RNF213: variants seen among roughly 807,000 people sequenced by gnomAD.
RNF213 encodes E3 ubiquitin-protein ligase RNF213.
A neutral mutation model predicts 514.4 loss-of-function variants in RNF213; 341 were observed. That is an observed-to-expected ratio of 0.66 (90% CI 0.61 to 0.73). The LOEUF (loss-of-function observed/expected upper bound fraction) is 0.73, where lower values mean the gene tolerates loss of function less well. RNF213 is among the 30% of genes least tolerant of loss of function. The pLI, the probability that RNF213 is intolerant of heterozygous loss-of-function variation, is 0.00. For synonymous variants in RNF213, 2,655 were observed against 2,658.2 expected (o/e 1.00, Z 0.04); for missense variants, 5,767 against 6,615.6 (o/e 0.87, Z 4.45).
chr17:80,354,646 CCT>C (rs2078663629), intron 36 of RNF213, 70 bp downstream of exon 36: 1 of 1,574,788 alleles, frequency 6.4e-7, no homozygotes, highest in South Asian at 1.1e-5. Flanking sequence ...CTGCAGGGAT[CCT>C]CTCTCCATCC....
intron 57 of RNF213, 142 bp downstream of exon 57, chr17:80,381,869 G>C (rs1327048498): frequency 1.2e-6 from 1 of 841,608 alleles, no homozygotes; most frequent in African/African-American, 1.7e-5. Context: ...AGAACACACA[G>C]AGAGAAAACC....
chr17:80,336,482 T>C lies in RNF213; in HGVS notation c.4527+104T>C, dbSNP rs1375545872. ...ATGGTGGCACACCTGTGTGGTAGGTTTGTACACAGCCGTTTTCAATGATAT... is the reference window on the plus strand; with the variant it reads ...ATGGTGGCACACCTGTGTGGTAGGTCTGTACACAGCCGTTTTCAATGATAT... On this transcript the variant is annotated intron_variant, in intron 23 of 67. Transcript: ENST00000582970. The C allele has an allele frequency of 2.8e-5, 27 of 979,182 alleles. No homozygotes were observed. The Admixed American group carries it at 5.4e-4, about 19-fold the overall frequency. The allele number at this position is 979,182 out of a possible 1,614,324, so 60.7% of individuals were successfully genotyped here.
chr17:80,310,555 A>G (rs558505398), intron 14 of RNF213, among the ~76,000 whole-genome samples: 1 of 122,828 alleles, frequency 8.1e-6, no homozygotes, highest in Non-Finnish European at 1.7e-5. Flanking sequence ...ACCCAGCACA[A>G]TTTTTTTTTT....
At chr17:80,321,286 A>G (rs914262052) in intron 17 of RNF213, 7 of 152,168 alleles carry the variant, frequency 4.6e-5, no homozygotes, top group Admixed American at 1.3e-4. Context: ...TGAATTTTTC[A>G]CTTGTGGCAT....
chr17:80,268,354 GAAAAAAA>G lies in RNF213; in HGVS notation c.97+4595_97+4601del, dbSNP rs898719348. On this transcript the variant is annotated intron_variant, in intron 2 of 67. Coordinates refer to ENST00000582970, the MANE Select transcript of RNF213 (RefSeq NM_001256071.3). ...GGGTCGACAGTGAGACCCTGTCTCA[GAAAAAAA>G]AAAAAAAAAAAAAAAAAAGGCAGTA... Among the ~76,000 whole-genome samples the G allele has an allele frequency of 1.8e-4, 13 of 73,198 alleles. No homozygotes were observed. In the Admixed American group the frequency reaches 1.9e-3, roughly 11 times the overall value. 48.0% of individuals were successfully genotyped at this position (73,198 alleles called of 152,430 possible).
At position 80,344,869 on chromosome 17, in the gene RNF213, A is replaced by G. The variant is rs776987048; in HGVS notation, c.6534A>G (p.Gln2178=). ...ATTTAAGACGATTCAATCAAAACCA[A>G]GACCTAGACACGTTTCAGTATCAAG... ...YQYLRRFNQN[Q]DLDTFQYQEG... is the part of the protein sequence containing the mutation. The change falls in exon 29 of 68, where the codon CAA becomes CAG. Residue 2178 remains glutamine (Q), a synonymous_variant. Transcript: ENST00000582970. The G allele has an allele frequency of 1.2e-6, 2 of 1,614,202 alleles. No homozygotes were observed. The highest frequency in any genetic ancestry group is 4.5e-5 in the East Asian group (2 of 44,884).
chr17:80,363,134 G>T lies in RNF213; in HGVS notation c.11388G>T (p.Arg3796Ser). ...AGATGGCTCTGTGGTCCTGCACTAG[G>T]AAACTGAAAGCGGCGTCAGAAGCGC... ...FLQMALWSCT[R>S]KLKAASEAPE... The change falls in exon 40 of 68, where the codon AGG (arginine) becomes AGT (serine). Residue 3796 changes from arginine to serine, a missense_variant. Around this residue, in one of 13 missense-constraint regions of RNF213, gnomAD observed 355 missense variants for 358.0 expected, o/e 0.99. Coordinates refer to ENST00000582970, the MANE Select transcript of RNF213 (RefSeq NM_001256071.3). The T allele has an allele frequency of 6.2e-7, 1 of 1,614,214 alleles. No individual in the cohort carries two copies. Among genetic ancestry groups the T allele is most frequent in the Admixed American group, 1.7e-5 (1 of 60,034 alleles).
chr17:80,376,680 C>A lies in RNF213; in HGVS notation c.13428+137C>A, dbSNP rs2079774372. The A allele has an allele frequency of 3.8e-6, 5 of 1,319,038 alleles. No homozygotes were observed. In the South Asian group the frequency reaches 6.3e-5, roughly 17 times the overall value. The allele number at this position is 1,319,038 out of a possible 1,614,324, so 81.7% of individuals were successfully genotyped here. A position where few individuals can be genotyped will look rare whatever the true frequency, so the allele number is the denominator to read the frequency against. On this transcript the variant is annotated intron_variant, in intron 52 of 67. Transcript: ENST00000582970. ...TTCTCTGCCTTTGTGTCACCTGATT[C>A]TTGAGCACACAAGATAGTGACAGAC...
chr17:80,340,245 C>T lies in RNF213; in HGVS notation c.5878C>T (p.Gln1960Ter). 1 of 1,614,180 alleles carries T rather than the reference C, an allele frequency of 6.2e-7. No individual in the cohort carries two copies. The highest frequency in any genetic ancestry group is 8.5e-7 in the Non-Finnish European group (1 of 1,180,040). ...CCCCCAGGCACCCCTCGAGGCCATC[C>T]AAGCCTACCTGGCAGGTCACTACCG... The part of the protein sequence containing the change: ...VTPQAPLEAI[Q>*]AYLAGHYRVP... Residue 1960 changes from glutamine (Q) to a stop codon, truncating the protein, a stop_gained, in exon 26 of 68, where the codon CAA becomes TAA. Coordinates refer to ENST00000582970, the MANE Select transcript of RNF213 (RefSeq NM_001256071.3). LOFTEE classifies it high-confidence loss of function.
chr17:80,269,221 A>G (rs1186755622), intron 2 of RNF213, among the ~76,000 whole-genome samples: 1 of 152,112 alleles, frequency 6.6e-6, no homozygotes, highest in African/African-American at 2.4e-5. Flanking sequence ...CATTGACTCA[A>G]ATGTCAGTCT....
intron 11 of RNF213, among the ~76,000 whole-genome samples, chr17:80,302,972 T>C (rs887397337): frequency 5.9e-5 from 9 of 152,132 alleles, no homozygotes; most frequent in Non-Finnish European, 8.8e-5. Context: ...CTAAGCAAAA[T>C]AGATTAATTT....
chr17:80,318,323 C>T (rs559904857), intron 16 of RNF213, among the ~76,000 whole-genome samples: 35 of 152,280 alleles, frequency 2.3e-4, no homozygotes, highest in South Asian at 8.3e-4. Flanking sequence ...TCAGGCTTTT[C>T]GGCTCGAAGG....
chr17:80,354,658 C>T (rs920246363), intron 36 of RNF213, 82 bp downstream of exon 36: 72 of 1,532,650 alleles, frequency 4.7e-5, no homozygotes, highest in Middle Eastern at 2.0e-4. Flanking sequence ...TCTCTCCATC[C>T]GGGCCATGGG....
rs2079557178 is a variant in RNF213 at position 80,372,549 on chromosome 17, A to T, written c.12566A>T (p.Tyr4189Phe). ...EDSILEKTSA[Y>F]SRNDELNHLE... Reference sequence around the variant, plus strand: ...TCAATACTTGAGAAGACCAGTGCTTACTCCAGAAATGATGAACTGAACCAC... The same window carrying T: ...TCAATACTTGAGAAGACCAGTGCTTTCTCCAGAAATGATGAACTGAACCAC... Residue 4189 changes from tyrosine (Y) to phenylalanine (F), a missense_variant, in exon 48 of 68, where the codon TAC becomes TTC. Transcript: ENST00000582970. 1.2e-6 allele frequency: 2 copies of T among 1,613,494 alleles called. No homozygotes were observed. Among genetic ancestry groups the T allele is most frequent in the African/African-American group, 2.7e-5 (2 of 74,850 alleles).
chr17:80,294,191 C>T (rs760504433), intron 8 of RNF213, among the ~76,000 whole-genome samples: 14 of 152,170 alleles, frequency 9.2e-5, no homozygotes, highest in Non-Finnish European at 1.5e-4. Flanking sequence ...AGAACAGTCA[C>T]GAATTCAGCC....
chr17:80,386,013 A>G (rs2080221352), intron 61 of RNF213, among the ~76,000 whole-genome samples: 2 of 152,126 alleles, frequency 1.3e-5, no homozygotes, highest in South Asian at 4.2e-4. Flanking sequence ...TGGTGTCTGG[A>G]TAAGTAAAAT....
Position 80,288,047 on chromosome 17 carries a change from C to G in RNF213, c.494C>G (p.Ala165Gly), listed in dbSNP as rs373081355. ...TTPLEGDGLS[A>G]PTEVGDSPLQ... ...CCACTGGAGGGTGACGGCCTCTCCG[C>G]GCCCACCGAGGTTGGCGACAGCCCC... Residue 165 changes from alanine to glycine, a missense_variant, in exon 4 of 68, where the codon GCG (alanine) becomes GGG (glycine). By Grantham distance (60) the Ala-to-Gly change is moderately conservative. Around this residue, in one of 13 missense-constraint regions of RNF213, gnomAD observed 509 missense variants for 496.7 expected, o/e 1.02. Transcript: ENST00000582970. The surrounding 1 kb of genome is among the most constrained non-coding windows in gnomAD (Gnocchi z 4.9). 6.2e-7 allele frequency: 1 copy of G among 1,604,552 alleles called. No individual in the cohort carries two copies.
Position 80,308,969 on chromosome 17 carries a change from G to C in RNF213, c.2502-49G>C, listed in dbSNP as rs184483981. 4.4e-4 allele frequency: 712 copies of C among 1,611,128 alleles called. 5 individuals carry two copies. In the East Asian group the frequency reaches 0.012, roughly 26 times the overall value. On this transcript the variant is annotated intron_variant, in intron 13 of 67. Transcript: ENST00000582970. ...AGTCATCAATGGTAACCATTTTCTG[G>C]CTTCTCCTAAATCCTTGCCGGGATT...
chr17:80,377,056 T>C lies in RNF213; in HGVS notation c.13510+93T>C, dbSNP rs2079789641. Reference sequence around the variant, plus strand: ...CATTGGGTTCGACTTGGGGTCCACGTGGTTTGTGCCTCAGGGTCCAAAACC... The same window carrying C: ...CATTGGGTTCGACTTGGGGTCCACGCGGTTTGTGCCTCAGGGTCCAAAACC... On this transcript the variant is annotated intron_variant, in intron 53 of 67. Coordinates refer to ENST00000582970, the MANE Select transcript of RNF213 (RefSeq NM_001256071.3). The surrounding 1 kb of genome is among the most constrained non-coding windows in gnomAD (Gnocchi z 4.1). 2.9e-6 allele frequency: 3 copies of C among 1,020,286 alleles called. No individual in the cohort carries two copies. The South Asian group carries it at 4.0e-5, about 14-fold the overall frequency. The allele number at this position is 1,020,286 out of a possible 1,614,324, so 63.2% of individuals were successfully genotyped here. A position where few individuals can be genotyped will look rare whatever the true frequency, so the allele number is the denominator to read the frequency against.
Sources: allele counts gnomAD v4.1 joint callset (sites outside exome capture counted in the v4.1 genomes callset), GRCh38; gene constraint gnomAD v4.1.1; regional missense constraint gnomAD v4.1.1; non-coding constraint Gnocchi (gnomAD v3.1); transcripts MANE v1.5; gene names NCBI Gene and HGNC (gene_info 2026-07-23, HGNC 2026-07-21).